The following MCC variants were observed in gnomAD, a reference collection of about 807,000 sequenced individuals.
MCC encodes the protein colorectal mutant cancer protein.
Under a neutral mutation model 116.2 loss-of-function variants are expected in MCC, and 90 were observed. The ratio of observed to expected loss-of-function variants is 0.77; its 90% CI spans 0.65 to 0.92. The LOEUF is 0.92. Among genes scored for constraint, MCC ranks in the 40% least tolerant of loss-of-function variants. MCC has a pLI of 0.00. For synonymous variants in MCC, 578 were observed against 510.5 expected (o/e 1.13, Z -1.78); for missense variants, 1,516 against 1,312.2 (o/e 1.16, Z -2.40).
intron 1 of MCC, among the ~76,000 whole-genome samples, chr5:113,404,641 T>C (rs1722132629): frequency 6.6e-6 from 1 of 152,244 alleles, no homozygotes; most frequent in African/African-American, 2.4e-5. Flanking sequence ...AACAGAGTTA[T>C]TCAATGCAGC....
intron 1 of MCC, among the ~76,000 whole-genome samples, chr5:113,411,559 G>A (rs1403143047): frequency 1.4e-5 from 2 of 143,766 alleles, no homozygotes; most frequent in South Asian, 2.1e-4. Flanking sequence ...TTTCAGGAGC[G>A]ATTTTTTTTT....
chr5:113,436,661 C>G (rs1420528964), intron 1 of MCC: 2 of 152,226 alleles, frequency 1.3e-5, no homozygotes, highest in Non-Finnish European at 1.5e-5. Flanking sequence ...AATCCCCTTC[C>G]CTTTCTAGCT....
intron 6 of MCC, among the ~76,000 whole-genome samples, chr5:113,119,555 G>A (rs1351544194): frequency 1.3e-5 from 2 of 152,226 alleles, no homozygotes; most frequent in Non-Finnish European, 2.9e-5. Flanking sequence ...CCAGAAGCAG[G>A]GACCGCCCTG....
intron 3 of MCC, among the ~76,000 whole-genome samples, chr5:113,204,085 A>G (rs1254876654): frequency 1.3e-5 from 2 of 152,162 alleles, no homozygotes; most frequent in African/African-American, 2.4e-5. Context: ...GATGAATAAG[A>G]GGAATGAGTA....
At chr5:113,208,202 T>C (rs1353975918) in intron 3 of MCC, among the ~76,000 whole-genome samples, 1 of 152,162 alleles carries the variant, frequency 6.6e-6, no homozygotes, top group African/African-American at 2.4e-5. Context: ...ACTGAAGATA[T>C]GTATCTTCAA....
At position 113,082,957 on chromosome 5, in the gene MCC, T is replaced by G. The variant is rs1754961483; in HGVS notation, c.1687A>C (p.Asn563His). The G allele has an allele frequency of 1.2e-6, 2 of 1,614,096 alleles. No individual in the cohort carries two copies. The highest frequency in any genetic ancestry group is 1.7e-5 in the Admixed American group (1 of 59,992). Residue 563 changes from asparagine (N) to histidine (H), a missense_variant, in exon 11 of 19, where the codon AAT (asparagine) becomes CAT (histidine). Physicochemically the swap from Asn to His is moderately conservative, Grantham distance 68. Coordinates refer to ENST00000408903, the MANE Select transcript of MCC (RefSeq NM_001085377.2). ...AGTGTTTGGAAAATCTCTTGGATATTGGAGCAGTCCTGAAGTGAGTGGGCC... is the reference window on the plus strand; with the variant it reads ...AGTGTTTGGAAAATCTCTTGGATATGGGAGCAGTCCTGAAGTGAGTGGGCC... Reference protein sequence around the residue: ...HLAHSLQDCSNIQEIFQTLYS... With the variant: ...HLAHSLQDCSHIQEIFQTLYS...
At chr5:113,176,937 C>T (rs1370266087) in intron 3 of MCC, among the ~76,000 whole-genome samples, 1 of 152,178 alleles carries the variant, frequency 6.6e-6, no homozygotes, top group African/African-American at 2.4e-5. Context: ...CTAGCCTTCT[C>T]TCTAAACTGT....
chr5:113,070,811 T>C (rs1427322244), intron 12 of MCC, among the ~76,000 whole-genome samples: 1 of 152,170 alleles, frequency 6.6e-6, no homozygotes, highest in Non-Finnish European at 1.5e-5. Flanking sequence ...TGAATAAAGA[T>C]CTGCAAGAAG....
chr5:113,398,755 A>C (rs887749153), intron 1 of MCC, among the ~76,000 whole-genome samples: 1 of 152,232 alleles, frequency 6.6e-6, no homozygotes, highest in Non-Finnish European at 1.5e-5. Context: ...CATGGGTTCA[A>C]TTGTATCCCA....
At chr5:113,127,234 C>T (rs946743098) in intron 5 of MCC, among the ~76,000 whole-genome samples, 7 of 152,182 alleles carry the variant, frequency 4.6e-5, no homozygotes, top group Non-Finnish European at 8.8e-5. Flanking sequence ...ACCACATTTT[C>T]TTTATCTAAT....
chr5:113,022,509 A>G lies in MCC; in HGVS notation c.*4793T>C, dbSNP rs1335461727. 6.6e-6 allele frequency: 1 copy of G among 152,612 alleles called. No individual in the cohort carries two copies. The highest frequency in any genetic ancestry group is 2.4e-5 in the African/African-American group (1 of 41,480). 9.5% of individuals were successfully genotyped at this position (152,612 alleles called of 1,614,324 possible). On this transcript the variant is annotated 3_prime_UTR_variant, in exon 19 of 19. Transcript: ENST00000408903. Reference sequence around the variant, plus strand: ...AAATCTTGATGTCTAAAAACTGATTAGAACTAGAAAAGAAGTGGACATGTT... The same window carrying G: ...AAATCTTGATGTCTAAAAACTGATTGGAACTAGAAAAGAAGTGGACATGTT...
intron 11 of MCC, among the ~76,000 whole-genome samples, chr5:113,078,741 A>C (rs1754634609): frequency 6.6e-6 from 1 of 152,228 alleles, no homozygotes; most frequent in African/African-American, 2.4e-5. Flanking sequence ...CCCTTTGAAA[A>C]CTGGCACAAG....
chr5:113,407,101 G>A (rs1769856879), intron 1 of MCC, among the ~76,000 whole-genome samples: 1 of 152,158 alleles, frequency 6.6e-6, no homozygotes, highest in Non-Finnish European at 1.5e-5. Context: ...GTTATCTACA[G>A]TGCTTATAAC....
chr5:113,122,912 A>T, intron 5 of MCC, 86 bp from the exon 6 acceptor site: 2 of 1,392,342 alleles, frequency 1.4e-6, no homozygotes, highest in Non-Finnish European at 1.0e-6. Context: ...CAAGAAAAAG[A>T]CATTGAGAGA....
In MCC at chr5:113,027,287, G is replaced by T; in HGVS notation, c.*15C>A. On this transcript the variant is annotated 3_prime_UTR_variant, in exon 19 of 19. Transcript: ENST00000408903. ...TTTACTTCCCATGGGCAGAACTCCG[G>T]TGCGTGAGTGCTGATTAAAGCGAAG... The T allele has an allele frequency of 6.2e-7, 1 of 1,613,380 alleles. No homozygotes were observed. The highest frequency in any genetic ancestry group is 8.5e-7 in the Non-Finnish European group (1 of 1,179,528).
At chr5:113,244,912 G>A (rs1423052256) in intron 3 of MCC, among the ~76,000 whole-genome samples, 10 of 152,230 alleles carry the variant, frequency 6.6e-5, no homozygotes, top group Admixed American at 6.5e-4. Context: ...CTTCTCCACT[G>A]TTGTTCAGGC....
chr5:113,068,548 C>T (rs148473578), intron 12 of MCC, among the ~76,000 whole-genome samples: 175 of 152,360 alleles, frequency 1.1e-3, no homozygotes, highest in African/African-American at 4.1e-3. Context: ...TGCTGTCCCC[C>T]ATCTGCACTG....
At chr5:113,385,645 GA>G (rs1477708347) in intron 1 of MCC, among the ~76,000 whole-genome samples, 2 of 152,204 alleles carry the variant, frequency 1.3e-5, no homozygotes, top group African/African-American at 4.8e-5. Flanking sequence ...AACCAACAGA[GA>G]TTTTAACAAG....
intron 3 of MCC, among the ~76,000 whole-genome samples, chr5:113,336,505 T>A (rs1213180075): frequency 6.6e-6 from 1 of 151,556 alleles, no homozygotes; most frequent in Non-Finnish European, 1.5e-5. Context: ...CAGAAGAGGG[T>A]TCCAGTTTGT....
Sources: allele counts gnomAD v4.1 joint callset (sites outside exome capture counted in the v4.1 genomes callset), GRCh38; gene constraint gnomAD v4.1.1; transcripts MANE v1.5; gene names NCBI Gene and HGNC (gene_info 2026-07-23, HGNC 2026-07-21).